Variants in CAMK1D observed in about 807,000 individuals in gnomAD.
CAMK1D encodes calcium/calmodulin-dependent protein kinase type 1D.
CAMK1D carries 9 observed loss-of-function variants against 47.7 expected under a neutral mutation model. The ratio of observed to expected loss-of-function variants is 0.19; its 90% CI spans 0.11 to 0.33. The LOEUF (loss-of-function observed/expected upper bound fraction) is 0.33. CAMK1D is among the 10% of genes least tolerant of loss of function. CAMK1D has a pLI of 1.00. For synonymous variants in CAMK1D, 184 were observed against 184.9 expected, an observed-to-expected ratio of 0.99 and a Z score of 0.04; for missense variants, 291 against 488.7, an observed-to-expected ratio of 0.60 and a Z score of 3.81.
intron 1 of CAMK1D, among the ~76,000 whole-genome samples, chr10:12,441,546 C>T (rs1295599740): frequency 1.3e-5 from 2 of 150,644 alleles, no homozygotes; most frequent in East Asian, 3.9e-4. Flanking sequence ...AAAAAAAGTC[C>T]TCACACCTGT....
intron 1 of CAMK1D, among the ~76,000 whole-genome samples, chr10:12,368,648 T>C (rs187804682): frequency 3.1e-4 from 47 of 151,364 alleles, no homozygotes; most frequent in African/African-American, 1.1e-3. Context: ...GACTGTAGGC[T>C]GAGCACAGTG....
chr10:12,547,638 C>G, intron 1 of CAMK1D, among the ~76,000 whole-genome samples: 1 of 60,144 alleles, frequency 1.7e-5, no homozygotes, highest in Non-Finnish European at 3.3e-5. Context: ...GTCACGAGGA[C>G]ACCCCCCCCC....
intron 1 of CAMK1D, among the ~76,000 whole-genome samples, chr10:12,387,029 C>G (rs951602598): frequency 6.6e-6 from 1 of 151,882 alleles, no homozygotes; most frequent in Non-Finnish European, 1.5e-5. Flanking sequence ...TGGTGAAACC[C>G]CGTCTCTACT....
chr10:12,643,955 A>G (rs1287916806), intron 2 of CAMK1D, among the ~76,000 whole-genome samples: 1 of 151,964 alleles, frequency 6.6e-6, no homozygotes, highest in Non-Finnish European at 1.5e-5. Context: ...GAGATTGTCT[A>G]GTTTCAGGAA....
intron 3 of CAMK1D, among the ~76,000 whole-genome samples, chr10:12,755,613 C>G (rs1836191229): frequency 6.6e-6 from 1 of 152,136 alleles, no homozygotes; most frequent in Admixed American, 6.5e-5. Context: ...TTTACAGTCC[C>G]ACCAACAGTG....
Position 12,782,865 on chromosome 10 carries a change from G to C in CAMK1D, c.566-8293G>C, listed in dbSNP as rs1015920601. On this transcript the variant is annotated intron_variant, in intron 5 of 10. Transcript: ENST00000619168. The stretch of plus-strand genomic sequence containing the variant: ...AGACAGGAAACTGAGGCATAGGCAA[G>C]GTAATGAATCCTCTAGTTTACTGTG... 3.3e-5 allele frequency among the ~76,000 whole-genome samples: 5 copies of C among 152,208 alleles called. No homozygotes were observed. In the East Asian group the frequency reaches 9.6e-4, roughly 29 times the overall value.
intron 2 of CAMK1D, among the ~76,000 whole-genome samples, chr10:12,626,899 C>T (rs941498431): frequency 5.9e-5 from 9 of 152,096 alleles, no homozygotes; most frequent in Admixed American, 3.9e-4. Flanking sequence ...CACAGACACA[C>T]GCAAATACGT....
intron 3 of CAMK1D, among the ~76,000 whole-genome samples, chr10:12,747,775 C>T (rs189454234): frequency 6.6e-6 from 1 of 152,056 alleles, no homozygotes; most frequent in African/African-American, 2.4e-5. Flanking sequence ...CTGGGAAGAG[C>T]ATTTATATCA....
chr10:12,533,665 G>A (rs1192179342), intron 1 of CAMK1D, among the ~76,000 whole-genome samples: 1 of 152,048 alleles, frequency 6.6e-6, no homozygotes, highest in Non-Finnish European at 1.5e-5. Context: ...GTCTACCCAG[G>A]TCACTTTATT....
chr10:12,459,484 A>G (rs771902902), intron 1 of CAMK1D, among the ~76,000 whole-genome samples: 8 of 152,050 alleles, frequency 5.3e-5, no homozygotes, highest in Non-Finnish European at 1.2e-4. Context: ...TCACTGTGAT[A>G]TATTAGCTAC....
chr10:12,622,485 A>G (rs369979177), intron 2 of CAMK1D, among the ~76,000 whole-genome samples: 3 of 151,862 alleles, frequency 2.0e-5, no homozygotes, highest in African/African-American at 7.2e-5. Context: ...CCCTAATCCC[A>G]TCTCTCCACC....
chr10:12,381,543 C>T (rs898768056), intron 1 of CAMK1D, among the ~76,000 whole-genome samples: 2 of 152,140 alleles, frequency 1.3e-5, no homozygotes, highest in East Asian at 3.8e-4. Context: ...CCTTGTTGGC[C>T]AGGCTGGTCT....
chr10:12,819,244 T>C lies in CAMK1D; in HGVS notation c.833+2916T>C, dbSNP rs143488119. On this transcript the variant is annotated intron_variant, in intron 8 of 10. Transcript: ENST00000619168. Reference sequence around the variant, plus strand: ...CTGAGTGCCACACCATGAGAAGGCTTGCCCCAGGCCAGCGGGAAGAGGAGG... The same window carrying C: ...CTGAGTGCCACACCATGAGAAGGCTCGCCCCAGGCCAGCGGGAAGAGGAGG... Among the ~76,000 whole-genome samples the C allele has an allele frequency of 1.5e-3, 222 of 152,220 alleles. 1 individual carries two copies. Among genetic ancestry groups the C allele is most frequent in the African/African-American group, 5.0e-3 (209 of 41,536 alleles).
intron 5 of CAMK1D, among the ~76,000 whole-genome samples, chr10:12,785,987 T>G (rs1837708555): frequency 6.6e-6 from 1 of 152,176 alleles, no homozygotes. Context: ...TATCAAATTA[T>G]CAGGAGAGTT....
chr10:12,380,661 C>T (rs1211354270), intron 1 of CAMK1D, among the ~76,000 whole-genome samples: 2 of 152,174 alleles, frequency 1.3e-5, no homozygotes, highest in East Asian at 1.9e-4. Context: ...TCGAGACCAT[C>T]CTGGCTAACA....
At chr10:12,764,331 A>C (rs547082021) in intron 4 of CAMK1D, among the ~76,000 whole-genome samples, 1 of 133,548 alleles carries the variant, frequency 7.5e-6, no homozygotes, top group African/African-American at 2.8e-5. Context: ...CAGTGAGCCG[A>C]GATCGCACCA....
intron 1 of CAMK1D, among the ~76,000 whole-genome samples, chr10:12,371,407 T>C (rs1458346200): frequency 6.6e-6 from 1 of 151,310 alleles, no homozygotes; most frequent in Non-Finnish European, 1.5e-5. Flanking sequence ...AAATCCCGTC[T>C]CTACTAAAAA....
intron 2 of CAMK1D, among the ~76,000 whole-genome samples, chr10:12,582,975 C>T (rs542924184): frequency 5.8e-4 from 88 of 152,234 alleles, no homozygotes; most frequent in South Asian, 8.3e-4. Flanking sequence ...CAGTGGCTCA[C>T]GCCTGTAATC....
chr10:12,351,357 T>G (rs1837350730), intron 1 of CAMK1D, among the ~76,000 whole-genome samples: 1 of 152,140 alleles, frequency 6.6e-6, no homozygotes, highest in South Asian at 2.1e-4. Context: ...GGGGTTAGTT[T>G]GGGTCAAAAC....
Sources: allele counts gnomAD v4.1 joint callset (sites outside exome capture counted in the v4.1 genomes callset), GRCh38; gene constraint gnomAD v4.1.1; transcripts MANE v1.5; gene names NCBI Gene and HGNC (gene_info 2026-07-23, HGNC 2026-07-21).